The following CTNNA3 variants were observed in gnomAD, a reference collection of about 807,000 sequenced individuals.
CTNNA3 encodes the protein catenin alpha 3.
In CTNNA3, 76 loss-of-function variants were observed where a neutral mutation model predicts 95.7. The ratio of observed to expected loss-of-function variants is 0.79; its 90% CI spans 0.66 to 0.96. The LOEUF (loss-of-function observed/expected upper bound fraction) is 0.96, where lower values mean the gene tolerates loss of function less well. Among genes scored for constraint, CTNNA3 ranks in the 40% least tolerant of loss-of-function variants. The probability of loss-of-function intolerance (pLI) is 0.00; values close to 1 mark genes in which losing one functional copy is unlikely to be tolerated. For missense variants in CTNNA3, 1,191 were observed against 1,089.8 expected, an observed-to-expected ratio of 1.09 and a Z score of -1.31; for synonymous variants, 431 against 374.4, an observed-to-expected ratio of 1.15 and a Z score of -1.74.
intron 1 of CTNNA3, among the ~76,000 whole-genome samples, chr10:67,706,506 T>C (rs973026515): frequency 1.3e-5 from 2 of 152,128 alleles, no homozygotes; most frequent in Non-Finnish European, 2.9e-5. Context: ...CAAGGCCAAC[T>C]ACTTCCTCTC....
At chr10:66,705,549 G>A (rs10822898) in intron 9 of CTNNA3, among the ~76,000 whole-genome samples, 48,626 of 151,752 alleles carry the variant, frequency 0.32, 8,722 homozygotes, top group East Asian at 0.58. Flanking sequence ...TAATGATGCC[G>A]TTTAAGTCAT....
At chr10:67,550,701 A>G (rs539455874) in intron 3 of CTNNA3, among the ~76,000 whole-genome samples, 15 of 143,246 alleles carry the variant, frequency 1.0e-4, no homozygotes, top group South Asian at 4.3e-4. Flanking sequence ...TTCTTTATTC[A>G]TAGAATAAAG....
At chr10:66,694,574 T>A (rs1277723264) in intron 9 of CTNNA3, among the ~76,000 whole-genome samples, 1 of 152,218 alleles carries the variant, frequency 6.6e-6, no homozygotes, top group African/African-American at 2.4e-5. Context: ...ACTATTCCAA[T>A]CAATAGAAAA....
intron 7 of CTNNA3, among the ~76,000 whole-genome samples, chr10:66,789,469 G>A (rs77335551): frequency 7.0e-4 from 107 of 152,048 alleles, no homozygotes; most frequent in African/African-American, 2.4e-3. Context: ...GCCACTGTGC[G>A]CGGCCACCTT....
intron 5 of CTNNA3, among the ~76,000 whole-genome samples, chr10:67,385,578 T>C (rs918170650): frequency 3.9e-5 from 6 of 152,198 alleles, no homozygotes; most frequent in African/African-American, 1.4e-4. Context: ...CAAATATCTA[T>C]ATGTGTATAG....
At chr10:66,353,955 A>G (rs778408156) in intron 12 of CTNNA3, among the ~76,000 whole-genome samples, 2 of 152,048 alleles carry the variant, frequency 1.3e-5, no homozygotes, top group African/African-American at 2.4e-5. Context: ...AAAAATAATC[A>G]TCCATATGGG....
At position 65,915,003 on chromosome 10, in the gene CTNNA3, G is replaced by A. The variant is rs1376059180; in HGVS notation, c.*5327C>T. 1.3e-5 allele frequency: 2 copies of A among 152,052 alleles called. No homozygotes were observed. The highest frequency in any genetic ancestry group is 4.8e-5 in the African/African-American group (2 of 41,384). The allele number at this position is 152,052 out of a possible 1,614,324, so 9.4% of individuals were successfully genotyped here. A position where few individuals can be genotyped will look rare whatever the true frequency, so the allele number is the denominator to read the frequency against. On this transcript the variant is annotated 3_prime_UTR_variant, in exon 18 of 18. Coordinates refer to ENST00000433211, the MANE Select transcript of CTNNA3 (RefSeq NM_013266.4). The stretch of plus-strand genomic sequence containing the variant: ...TATATATCCTATAGGGTTATTTGGA[G>A]GATTGAATAAGATAATAGTTAGCAT...
chr10:67,617,796 G>T (rs1843702405), intron 2 of CTNNA3, among the ~76,000 whole-genome samples: 1 of 147,650 alleles, frequency 6.8e-6, no homozygotes. Context: ...TTTAATAATA[G>T]CTATTCTAAC....
intron 3 of CTNNA3, among the ~76,000 whole-genome samples, chr10:67,582,465 T>A (rs1842441561): frequency 6.6e-6 from 1 of 150,652 alleles, no homozygotes. Context: ...TGCTGAGGAG[T>A]GCTTTACTTC....
chr10:66,896,335 T>C (rs1845491880), intron 7 of CTNNA3, among the ~76,000 whole-genome samples: 1 of 152,170 alleles, frequency 6.6e-6, no homozygotes, highest in Admixed American at 6.5e-5. Context: ...AAAACAGAAT[T>C]CATATTTTGT....
intron 3 of CTNNA3, among the ~76,000 whole-genome samples, chr10:67,561,549 T>C (rs1243813989): frequency 1.5e-5 from 2 of 137,480 alleles, no homozygotes; most frequent in Middle Eastern, 3.5e-3. Context: ...AGACCTAAAA[T>C]TGACACCCTA....
intron 1 of CTNNA3, among the ~76,000 whole-genome samples, chr10:67,704,976 CA>C (rs1258041470): frequency 6.6e-6 from 1 of 152,170 alleles, no homozygotes; most frequent in Non-Finnish European, 1.5e-5. Context: ...ACGACATGAA[CA>C]GACACTCCTC....
intron 9 of CTNNA3, among the ~76,000 whole-genome samples, chr10:66,700,072 C>A (rs1847895496): frequency 6.6e-6 from 1 of 152,042 alleles, no homozygotes; most frequent in South Asian, 2.1e-4. Flanking sequence ...AGATAGTTTG[C>A]AAACATTTTT....
intron 7 of CTNNA3, among the ~76,000 whole-genome samples, chr10:67,029,555 G>C (rs1853594225): frequency 6.6e-6 from 1 of 152,162 alleles, no homozygotes; most frequent in Non-Finnish European, 1.5e-5. Context: ...TTAAGATTTT[G>C]AATGTCACAA....
chr10:66,117,226 T>C (rs2082378968), intron 13 of CTNNA3, among the ~76,000 whole-genome samples: 1 of 152,158 alleles, frequency 6.6e-6, no homozygotes, highest in Non-Finnish European at 1.5e-5. Context: ...ATAAAACATA[T>C]TAAATTGTAT....
At chr10:66,312,806 A>G (rs1187008948) in intron 12 of CTNNA3, among the ~76,000 whole-genome samples, 1 of 152,102 alleles carries the variant, frequency 6.6e-6, no homozygotes, top group Non-Finnish European at 1.5e-5. Flanking sequence ...CGGCCTCCCA[A>G]AGTGCTGGGA....
At chr10:65,980,256 C>T (rs760199068) in intron 16 of CTNNA3, among the ~76,000 whole-genome samples, 12 of 151,938 alleles carry the variant, frequency 7.9e-5, no homozygotes, top group Non-Finnish European at 1.6e-4. Flanking sequence ...AAATATATAA[C>T]CCTCTTAGAT....
intron 5 of CTNNA3, among the ~76,000 whole-genome samples, chr10:67,496,420 C>A (rs1839025922): frequency 6.6e-6 from 1 of 151,948 alleles, no homozygotes; most frequent in African/African-American, 2.4e-5. Flanking sequence ...TACACTATCT[C>A]ATTATTTTTT....
intron 5 of CTNNA3, among the ~76,000 whole-genome samples, chr10:67,336,180 C>T (rs1159107415): frequency 6.6e-6 from 1 of 152,160 alleles, no homozygotes; most frequent in Non-Finnish European, 1.5e-5. Context: ...TCCATCTCTC[C>T]TTCTCCTAGG....
Sources: allele counts gnomAD v4.1 joint callset (sites outside exome capture counted in the v4.1 genomes callset), GRCh38; gene constraint gnomAD v4.1.1; transcripts MANE v1.5; gene names NCBI Gene and HGNC (gene_info 2026-07-23, HGNC 2026-07-21).